Variants in USP36 observed in about 807,000 individuals in gnomAD.
USP36 encodes ubiquitin carboxyl-terminal hydrolase 36.
In USP36, 59 loss-of-function variants were observed where a neutral mutation model predicts 111.5. The ratio of observed to expected loss-of-function variants is 0.53; its 90% CI spans 0.43 to 0.66. The LOEUF (loss-of-function observed/expected upper bound fraction) is 0.66, where lower values mean the gene tolerates loss of function less well. Ranked by LOEUF, USP36 falls within the 30% of genes least tolerant of loss-of-function variation. USP36 has a pLI of 0.00. For synonymous variants in USP36, 628 were observed against 581.0 expected, an observed-to-expected ratio of 1.08 and a Z score of -1.16; for missense variants, 1,488 against 1,468.0, an observed-to-expected ratio of 1.01 and a Z score of -0.22.
In USP36 at chr17:78,803,227, A is replaced by G. The variant is rs185249320; in HGVS notation, c.2810+158T>C. Reference sequence around the variant, plus strand: ...GCTAGGATTACAGGTGTGAGCCACCACACCCAGCCAGAGGAGACATCTGAT... The same window carrying G: ...GCTAGGATTACAGGTGTGAGCCACCGCACCCAGCCAGAGGAGACATCTGAT... On this transcript the variant is annotated intron_variant, in intron 16 of 20. Transcript: ENST00000449938. The surrounding 1 kb of genome is among the most constrained non-coding windows in gnomAD (Gnocchi z 4.6). 2.4e-3 allele frequency among the ~76,000 whole-genome samples: 369 copies of G among 152,206 alleles called. 1 individual carries two copies. Among genetic ancestry groups the G allele is most frequent in the Admixed American group, 4.7e-3 (72 of 15,292 alleles).
At chr17:78,810,109 G>C (rs1419299778) in intron 13 of USP36, among the ~76,000 whole-genome samples, 1 of 151,546 alleles carries the variant, frequency 6.6e-6, no homozygotes, top group Non-Finnish European at 1.5e-5. Flanking sequence ...GCCTCCCAAA[G>C]TGCCCGGCCC....
intron 13 of USP36, among the ~76,000 whole-genome samples, chr17:78,810,918 A>G (rs969026647): frequency 6.6e-6 from 1 of 152,102 alleles, no homozygotes; most frequent in African/African-American, 2.4e-5. Context: ...GTTCCAGACC[A>G]GCCTGGCCAA....
At chr17:78,808,103 T>C (rs1281664849) in intron 13 of USP36, among the ~76,000 whole-genome samples, 1 of 152,234 alleles carries the variant, frequency 6.6e-6, no homozygotes, top group East Asian at 1.9e-4. Context: ...TTAGCAAAGT[T>C]CCATCACCTA....
intron 17 of USP36, 110 bp from the exon 18 acceptor site, chr17:78,799,878 T>TTTC: frequency 1.2e-5 from 1 of 84,940 alleles, no homozygotes; most frequent in South Asian, 3.6e-4. Flanking sequence ...GATGCTTGCC[T>TTTC]TTTTTTTTTT....
intron 10 of USP36, 144 bp from the exon 11 acceptor site, chr17:78,814,696 T>A: frequency 4.0e-6 from 4 of 1,003,194 alleles, no homozygotes; most frequent in Non-Finnish European, 5.7e-6. Context: ...CTCACGCCTG[T>A]AATCCCAGCA....
chr17:78,788,052 TC>T (rs1202828697), intron 3 of USP36, among the ~76,000 whole-genome samples: 2 of 152,206 alleles, frequency 1.3e-5, no homozygotes, highest in Non-Finnish European at 2.9e-5. Context: ...GAGAGAACAT[TC>T]CCATTGTCTT....
At chr17:78,790,430 A>C (rs2093573813) in intron 3 of USP36, among the ~76,000 whole-genome samples, 1 of 152,174 alleles carries the variant, frequency 6.6e-6, no homozygotes, top group Non-Finnish European at 1.5e-5. Context: ...AGCTGGGACT[A>C]CAGGCGTGTG....
chr17:78,831,575 C>G (rs151183976), intron 4 of USP36, among the ~76,000 whole-genome samples: 233 of 152,162 alleles, frequency 1.5e-3, no homozygotes, highest in African/African-American at 5.5e-3. Context: ...ACTGTGGCAA[C>G]TGCACTCCAG....
rs73394922 is a variant in USP36 at position 78,799,552 on chromosome 17, G to C, written c.3124+115C>G. 2,444 of 897,788 alleles carry C rather than the reference G, an allele frequency of 2.7e-3. 39 individuals are homozygous for C. In the African/African-American group the frequency reaches 0.038, roughly 14 times the overall value. 55.6% of individuals were successfully genotyped at this position (897,788 alleles called of 1,614,324 possible). The stretch of plus-strand genomic sequence containing the variant: ...TGAGATTCCTCTTCCCATTCTCAAA[G>C]CCGAGCGATGCCCGCCCGCCACACT... On this transcript the variant is annotated intron_variant, in intron 18 of 20. Transcript: ENST00000449938.
downstream of USP36, among the ~76,000 whole-genome samples, chr17:78,794,695 G>A (rs891750033): frequency 2.6e-5 from 4 of 151,914 alleles, no homozygotes; most frequent in Non-Finnish European, 5.9e-5. Context: ...AGGCCAAGAC[G>A]GGCAGATCAC....
Position 78,835,285 on chromosome 17 carries a change from C to G in USP36, c.470G>C (p.Arg157Pro). 1.2e-6 allele frequency: 2 copies of G among 1,614,034 alleles called. No homozygotes were observed. Among genetic ancestry groups the G allele is most frequent in the Non-Finnish European group, 1.7e-6 (2 of 1,179,976 alleles). Residue 157 changes from arginine to proline, a missense_variant, in exon 4 of 21, where the codon CGC becomes CCC. This residue lies in a region of USP36 where 219 missense variants were observed against 209.5 expected (regional missense o/e 1.05). Transcript: ENST00000449938. ...TGCTGCAAACCCACACTCACAGCTG[C>G]GAGCATGCTCCTTGGAGAGCAGGTA... ...ANYLLSKEHA[R>P]SCHQGSFCML...
chr17:78,823,673 G>C (rs1046673154), intron 6 of USP36, among the ~76,000 whole-genome samples: 1 of 152,248 alleles, frequency 6.6e-6, no homozygotes, highest in South Asian at 2.1e-4. Flanking sequence ...GTCTCCACAG[G>C]CATGGGCTCT....
intron 10 of USP36, among the ~76,000 whole-genome samples, chr17:78,817,105 T>C (rs976513793): frequency 6.6e-6 from 1 of 152,202 alleles, no homozygotes; most frequent in African/African-American, 2.4e-5. Flanking sequence ...GATACACAAA[T>C]ACTTCCCATT....
chr17:78,802,318 G>A lies in USP36; in HGVS notation c.3022+6C>T. The A allele has an allele frequency of 6.4e-7, 1 of 1,565,800 alleles. No homozygotes were observed. Among genetic ancestry groups the A allele is most frequent in the Non-Finnish European group, 8.7e-7 (1 of 1,155,956 alleles). On this transcript the variant is annotated splice_donor_region_variant and intron_variant, in intron 17 of 20. Coordinates refer to ENST00000449938, the MANE Select transcript of USP36 (RefSeq NM_001385174.1). ...TGCGGTTCCCACCCCCTCGCCCGGT[G>A]CATACCCATGCGGTCCCCAGGACAC...
intron 3 of USP36, chr17:78,787,689 ACT>A (rs1380958436): frequency 6.6e-6 from 1 of 152,162 alleles, no homozygotes; most frequent in Admixed American, 6.5e-5. Flanking sequence ...GCCACATTTA[ACT>A]CTGAGAAGAG....
intron 15 of USP36, among the ~76,000 whole-genome samples, chr17:78,804,680 C>CA (rs201571699): frequency 0.038 from 3,214 of 85,082 alleles, 33 homozygotes; most frequent in Non-Finnish European, 0.055. Flanking sequence ...TTTTAAAAGT[C>CA]AAAAAAAAAA....
chr17:78,799,129 A>T, intron 18 of USP36, 106 bp from the exon 19 acceptor site: 1 of 1,095,112 alleles, frequency 9.1e-7, no homozygotes, highest in Non-Finnish European at 1.4e-6. Flanking sequence ...ATTAGTCAAC[A>T]ATTTTGAGTG....
intron 4 of USP36, 36 bp from the exon 5 acceptor site, chr17:78,829,043 G>A: frequency 6.3e-7 from 1 of 1,594,130 alleles, no homozygotes; most frequent in Non-Finnish European, 8.6e-7. Flanking sequence ...TTTAAGACAA[G>A]AGCTTTCAAA....
rs893897686 is a variant in USP36, at chr17:78,829,720, G to A, written c.476-713C>T. Among the ~76,000 whole-genome samples the A allele has an allele frequency of 3.3e-5, 5 of 152,248 alleles. No individual in the cohort carries two copies. In the South Asian group the frequency reaches 6.2e-4, roughly 19 times the overall value. On this transcript the variant is annotated intron_variant, in intron 4 of 20. Transcript: ENST00000449938. ...TGCCCACCCCTGCGCTACATAAAACGCCTCACTAGGCATTAGGCTAGACAG... is the reference window on the plus strand; with the variant it reads ...TGCCCACCCCTGCGCTACATAAAACACCTCACTAGGCATTAGGCTAGACAG...
Sources: allele counts gnomAD v4.1 joint callset (sites outside exome capture counted in the v4.1 genomes callset), GRCh38; gene constraint gnomAD v4.1.1; regional missense constraint gnomAD v4.1.1; non-coding constraint Gnocchi (gnomAD v3.1); transcripts MANE v1.5; gene names NCBI Gene and HGNC (gene_info 2026-07-23, HGNC 2026-07-21).